The following IQSEC2 variants were observed in gnomAD, a reference collection of about 807,000 sequenced individuals.
The protein encoded by IQSEC2 is IQ motif and Sec7 domain ArfGEF 2.
Under a neutral mutation model 74.6 loss-of-function variants are expected in IQSEC2, and 6 were observed. The observed-to-expected ratio is 0.08, with a 90% CI of 0.04 to 0.16. The LOEUF (loss-of-function observed/expected upper bound fraction) is 0.16, where lower values mean the gene tolerates loss of function less well. Ranked by LOEUF, IQSEC2 falls within the 10% of genes least tolerant of loss-of-function variation. The probability of loss-of-function intolerance (pLI) is 1.00; values close to 1 mark genes in which losing one functional copy is unlikely to be tolerated. For synonymous variants in IQSEC2, 494 were observed against 544.5 expected, an observed-to-expected ratio of 0.91 and a Z score of 1.29; for missense variants, 734 against 1,306.2, an observed-to-expected ratio of 0.56 and a Z score of 6.75.
intron 1 of IQSEC2, among the ~76,000 whole-genome samples, chrX:53,299,638 C>G (rs1465901417): frequency 1.8e-5 from 2 of 111,955 alleles, no homozygotes; most frequent in African/African-American, 6.5e-5. Flanking sequence ...TTGGTGACTT[C>G]AAGTCAAAGC....
chrX:53,284,996 G>A (rs2075011702), intron 2 of IQSEC2, among the ~76,000 whole-genome samples: 1 of 112,362 alleles, frequency 8.9e-6, no homozygotes. Context: ...CTTTCCAGAT[G>A]AGACCGTTTC....
intron 2 of IQSEC2, among the ~76,000 whole-genome samples, chrX:53,273,665 C>CT (rs1320786626): frequency 1.8e-5 from 2 of 112,062 alleles, no homozygotes; most frequent in Non-Finnish European, 3.8e-5. Context: ...TGGGGGTTTT[C>CT]TTTTCCTTAC....
intron 1 of IQSEC2, among the ~76,000 whole-genome samples, chrX:53,305,338 C>T (rs1309933449): frequency 5.4e-5 from 6 of 111,021 alleles, no homozygotes; most frequent in Non-Finnish European, 7.5e-5. Flanking sequence ...CTCAGTCTCC[C>T]GAGTAGCTAA....
At chrX:53,238,060 CTG>C (rs2074162090) in intron 12 of IQSEC2, 83 bp downstream of exon 12, 5 of 1,042,065 alleles carry the variant, frequency 4.8e-6, no homozygotes, top group Non-Finnish European at 6.6e-6. Context: ...ACCCTCAACT[CTG>C]AGATTCTCTG....
rs1602277510 is a variant in IQSEC2 at position 53,247,021 on chromosome X, G to A, written c.2697C>T (p.Ser899=). 4.1e-6 allele frequency: 5 copies of A among 1,210,215 alleles called. No homozygotes were observed. The highest frequency in any genetic ancestry group is 5.6e-6 in the Non-Finnish European group (5 of 894,360). ...GTTTCATCTTTCGTTCAGCTTTGAC[G>A]CTGGGACTGTACATGTCGGTATTGA... ...ILLNTDMYSP[S]VKAERKMKLD... Residue 899 remains serine (S), a synonymous_variant, in exon 8 of 15, where the codon AGC becomes AGT. Transcript: ENST00000642864.
In IQSEC2 at chrX:53,254,945, G is replaced by A; in HGVS notation, c.1000-14C>T. The A allele has an allele frequency of 8.3e-7, 1 of 1,207,048 alleles. No homozygotes were observed. The highest frequency in any genetic ancestry group is 1.1e-6 in the Non-Finnish European group (1 of 893,393). On this transcript the variant is annotated splice_polypyrimidine_tract_variant and intron_variant, in intron 3 of 14. Coordinates refer to ENST00000642864, the MANE Select transcript of IQSEC2 (RefSeq NM_001111125.3). ...CAGCATTTCCACCTGGCAGAGAAGG[G>A]TCGAGGGGAACAAGGTCAGAAAGTC...
chrX:53,270,443 A>G (rs1278284465), intron 2 of IQSEC2, among the ~76,000 whole-genome samples: 1 of 110,345 alleles, frequency 9.1e-6, no homozygotes, highest in Non-Finnish European at 1.9e-5. Context: ...GGTTCCTTCT[A>G]TCTGGAACAT....
At chrX:53,291,799 T>C in intron 2 of IQSEC2, 96 bp downstream of exon 2, 6 of 784,079 alleles carry the variant, frequency 7.7e-6, no homozygotes, top group South Asian at 3.1e-5. Context: ...AGTTGGCCCC[T>C]CCCCTTGCCC....
rs782213438 is a variant in IQSEC2, at chrX:53,284,796, A to G, written c.737+7099T>C. Reference sequence around the variant, plus strand: ...ACAATGGACAGAGGTGGAGGCTGCAAGGTGGGCCAGTGGACACTAGAGGGC... The same window carrying G: ...ACAATGGACAGAGGTGGAGGCTGCAGGGTGGGCCAGTGGACACTAGAGGGC... On this transcript the variant is annotated intron_variant, in intron 2 of 14. Transcript: ENST00000642864. Among the ~76,000 whole-genome samples the G allele has an allele frequency of 8.9e-5, 10 of 111,799 alleles. No homozygotes were observed. In the South Asian group the frequency reaches 3.7e-3, roughly 42 times the overall value.
At chrX:53,277,834 C>T (rs2074861108) in intron 2 of IQSEC2, among the ~76,000 whole-genome samples, 1 of 107,908 alleles carries the variant, frequency 9.3e-6, no homozygotes, top group Non-Finnish European at 1.9e-5. Context: ...CCACGCCCGG[C>T]TAATTTCTGT....
rs2074093429 is a variant in IQSEC2 at position 53,234,402 on chromosome X, G to A, written c.4284C>T (p.His1428=). The change falls in exon 15 of 15, where the codon CAC becomes CAT. Residue 1428 remains histidine (H), a synonymous_variant. Coordinates refer to ENST00000642864, the MANE Select transcript of IQSEC2 (RefSeq NM_001111125.3). ...PHHPQSPLSP[H]SPIPPHPSYP... is the part of the protein sequence containing the mutation. ...AGGAGGGGTGGGGTGGGATGGGTGA[G>A]TGTGGTGACAATGGTGACTGGGGGT... 1 of 871,845 alleles carries A rather than the reference G, an allele frequency of 1.1e-6. No individual in the cohort carries two copies. The highest frequency in any genetic ancestry group is 1.5e-6 in the Non-Finnish European group (1 of 671,957). The allele number at this position is 871,845 out of a possible 1,213,427, so 71.8% of individuals were successfully genotyped here. A position where few individuals can be genotyped will look rare whatever the true frequency, so the allele number is the denominator to read the frequency against.
chrX:53,305,538 A>G (rs186469270), intron 1 of IQSEC2, among the ~76,000 whole-genome samples: 2 of 111,701 alleles, frequency 1.8e-5, no homozygotes, highest in African/African-American at 6.5e-5. Flanking sequence ...TTGCACCTAC[A>G]GTGGTCCACA....
At chrX:53,311,447 C>T (rs1556878026) in intron 1 of IQSEC2, among the ~76,000 whole-genome samples, 3 of 111,327 alleles carry the variant, frequency 2.7e-5, no homozygotes, top group African/African-American at 9.8e-5. Flanking sequence ...CATAGGTTAT[C>T]TCTACTCCCA....
At chrX:53,308,187 A>T (rs927160654) in intron 1 of IQSEC2, among the ~76,000 whole-genome samples, 2 of 89,904 alleles carry the variant, frequency 2.2e-5, no homozygotes, top group Non-Finnish European at 4.6e-5. Flanking sequence ...AAAAAAAAAA[A>T]GAAGAGACTT....
intron 2 of IQSEC2, among the ~76,000 whole-genome samples, chrX:53,286,951 A>AAAG (rs2075036775): frequency 9.4e-6 from 1 of 106,010 alleles, no homozygotes; most frequent in African/African-American, 3.5e-5. Context: ...AAAAAAAAAA[A>AAAG]AAAAAAGAAA....
intron 1 of IQSEC2, among the ~76,000 whole-genome samples, chrX:53,295,179 T>C (rs2075138490): frequency 8.9e-6 from 1 of 112,244 alleles, no homozygotes; most frequent in South Asian, 3.7e-4. Flanking sequence ...GATTTGGATA[T>C]GCCAACTCCC....
At chrX:53,269,689 G>A (rs1556868312) in intron 2 of IQSEC2, among the ~76,000 whole-genome samples, 4 of 110,064 alleles carry the variant, frequency 3.6e-5, no homozygotes, top group Non-Finnish European at 7.6e-5. Flanking sequence ...CGAGCTCTTC[G>A]ACCCACTCCA....
intron 2 of IQSEC2, chrX:53,279,725 G>A: frequency 1.6e-6 from 1 of 641,053 alleles, no homozygotes; most frequent in African/African-American, 2.2e-5. Context: ...GTGGCAGGGT[G>A]GGCGATGGGG....
At chrX:53,291,771 A>T in intron 2 of IQSEC2, 124 bp downstream of exon 2, 1 of 584,167 alleles carries the variant, frequency 1.7e-6, no homozygotes, top group Non-Finnish European at 2.7e-6. Context: ...CCTAATACCA[A>T]CAGGGAAGAC....
Sources: gnomAD v4.1 joint callset for allele counts (sites outside exome capture counted in the v4.1 genomes callset) on GRCh38, gnomAD v4.1.1 for gene constraint, MANE v1.5 for transcripts, NCBI Gene and HGNC (gene_info 2026-07-23, HGNC 2026-07-21) for gene names.